RUSF1: variants seen among roughly 807,000 people sequenced by gnomAD.
RUSF1 encodes the protein RUS family member 1, also known as RUS1 family protein C16orf58.
In RUSF1, 58 loss-of-function variants were observed where a neutral mutation model predicts 63.0. The observed-to-expected ratio is 0.92, with a 90% CI of 0.75 to 1.15. RUSF1 has a LOEUF of 1.15. RUSF1 is among the 50% of genes most tolerant of loss of function. RUSF1 has a pLI of 0.00. For synonymous variants in RUSF1, 274 were observed against 255.8 expected, an observed-to-expected ratio of 1.07 and a Z score of -0.68; for missense variants, 652 against 611.0, an observed-to-expected ratio of 1.07 and a Z score of -0.71.
At chr16:31,507,325 C>G (rs933213837) in intron 2 of RUSF1, among the ~76,000 whole-genome samples, 3 of 152,188 alleles carry the variant, frequency 2.0e-5, no homozygotes, top group South Asian at 4.1e-4. Context: ...CATCTGGTAT[C>G]CCAGAGCATA....
chr16:31,499,850 C>A (rs904601886), intron 3 of RUSF1, among the ~76,000 whole-genome samples: 4 of 152,174 alleles, frequency 2.6e-5, no homozygotes, highest in African/African-American at 9.6e-5. Flanking sequence ...TGCCTCTCTC[C>A]GTTCTTCTTC....
intron 2 of RUSF1, among the ~76,000 whole-genome samples, chr16:31,506,603 G>A (rs2082660238): frequency 6.6e-6 from 1 of 152,306 alleles, no homozygotes; most frequent in African/African-American, 2.4e-5. Flanking sequence ...CCAACATGGT[G>A]AAACTCTGTC....
chr16:31,500,739 A>G lies in RUSF1; in HGVS notation c.416-8T>C, dbSNP rs1596629859. On this transcript the variant is annotated splice_region_variant and splice_polypyrimidine_tract_variant and intron_variant, in intron 2 of 12. Coordinates refer to ENST00000327237, the MANE Select transcript of RUSF1 (RefSeq NM_022744.4). ...CCAGCATGCCAGTTGAATCTGGGGG[A>G]AAGAAGGCACAGGTAAGGAGCAAGG... 4 of 1,612,012 alleles carry G rather than the reference A, an allele frequency of 2.5e-6. No homozygotes were observed. The highest frequency in any genetic ancestry group is 2.2e-5 in the East Asian group (1 of 44,868).
chr16:31,495,747 G>A (rs754873513), intron 6 of RUSF1, among the ~76,000 whole-genome samples: 42 of 152,106 alleles, frequency 2.8e-4, no homozygotes, highest in Non-Finnish European at 5.6e-4. Context: ...TTCCCCAGGG[G>A]CCCCCAGGGA....
intron 12 of RUSF1, 137 bp from the exon 13 acceptor site, chr16:31,491,069 A>C: frequency 4.1e-6 from 3 of 736,640 alleles, no homozygotes; most frequent in Non-Finnish European, 6.8e-6. Flanking sequence ...ATGAGGCTGA[A>C]ACCACACCTG....
chr16:31,498,650 G>A (rs1020323342), intron 5 of RUSF1, among the ~76,000 whole-genome samples: 3 of 152,332 alleles, frequency 2.0e-5, no homozygotes, highest in East Asian at 1.9e-4. Flanking sequence ...ACAGCTTGGC[G>A]TGGAGGAAGA....
intron 2 of RUSF1, 92 bp downstream of exon 2, chr16:31,507,672 T>G (rs540029083): frequency 2.5e-6 from 3 of 1,188,310 alleles, no homozygotes; most frequent in East Asian, 5.1e-5. Flanking sequence ...TTCTACCTAA[T>G]GGGGCACGAG....
At position 31,493,882 on chromosome 16, in the gene RUSF1, C is replaced by T. The variant is rs143200950; in HGVS notation, c.757G>A (p.Val253Met). ...CCGGCTTACCCAGGGCAACCTGACA[C>T]CAGAGGGAGCATCAGGAGGCTGACC... ...LLVSLLMLPL[V>M]SGCPGFSLGC... Residue 253 changes from valine to methionine, a missense_variant, in exon 7 of 13, where the codon GTG becomes ATG. Physicochemically the swap from Val to Met is conservative, Grantham distance 21. Coordinates refer to ENST00000327237, the MANE Select transcript of RUSF1 (RefSeq NM_022744.4). The T allele has an allele frequency of 6.2e-7, 1 of 1,614,188 alleles. No individual in the cohort carries two copies. Among genetic ancestry groups the T allele is most frequent in the South Asian group, 1.1e-5 (1 of 91,086 alleles).
chr16:31,490,554 C>T lies in RUSF1; in HGVS notation c.*281G>A. On this transcript the variant is annotated 3_prime_UTR_variant, in exon 13 of 13. Coordinates refer to ENST00000327237, the MANE Select transcript of RUSF1 (RefSeq NM_022744.4). ...TGCCTAAGACCAACTGCGTTGGACA[C>T]CATAAGCCACAGCCTCACAGGAAGT... is the stretch of plus-strand genomic sequence containing the variant. 6.3e-7 allele frequency: 1 copy of T among 1,577,334 alleles called. No homozygotes were observed. Among genetic ancestry groups the T allele is most frequent in the Non-Finnish European group, 8.7e-7 (1 of 1,152,814 alleles).
At position 31,499,327 on chromosome 16, in the gene RUSF1, G is replaced by A. The variant is rs763762291; in HGVS notation, c.575C>T (p.Thr192Ile). ...APVYPICFTM[T>I]VSTSNLAKCI... ...CTTGGCTAGGTTGCTGGTGGAGACG[G>A]TCATGGTGAAACAGATTGGGTATAC... is the stretch of plus-strand genomic sequence containing the variant. Residue 192 changes from threonine (T) to isoleucine (I), a missense_variant, in exon 5 of 13, where the codon ACC (threonine) becomes ATC (isoleucine). By Grantham distance (89) the Thr-to-Ile change is moderately conservative. Transcript: ENST00000327237. 1.9e-6 allele frequency: 3 copies of A among 1,613,900 alleles called. No homozygotes were observed. Among genetic ancestry groups the A allele is most frequent in the Non-Finnish European group, 2.5e-6 (3 of 1,179,832 alleles).
Position 31,497,974 on chromosome 16 carries a change from G to A in RUSF1, c.601-1024C>T, listed in dbSNP as rs565545474. ...GCACGGAGGCTACCTGGGAAGCAAC[G>A]GTGCTCTCTCAGCAGTGAGAGGTGG... On this transcript the variant is annotated intron_variant, in intron 5 of 12. Coordinates refer to ENST00000327237, the MANE Select transcript of RUSF1 (RefSeq NM_022744.4). Among the ~76,000 whole-genome samples the A allele has an allele frequency of 5.9e-5, 9 of 152,318 alleles. No homozygotes were observed. The South Asian group carries it at 6.2e-4, about 11-fold the overall frequency.
chr16:31,498,476 G>A (rs1386740658), intron 5 of RUSF1, among the ~76,000 whole-genome samples: 1 of 152,168 alleles, frequency 6.6e-6, no homozygotes, highest in Non-Finnish European at 1.5e-5. Flanking sequence ...CGGCCCTAAC[G>A]TGATTTTAAG....
chr16:31,496,040 T>G (rs1375776993), intron 6 of RUSF1, among the ~76,000 whole-genome samples: 2 of 152,198 alleles, frequency 1.3e-5, no homozygotes, highest in Admixed American at 1.3e-4. Flanking sequence ...TTTCCTCATC[T>G]GTAAACTAGG....
intron 5 of RUSF1, among the ~76,000 whole-genome samples, chr16:31,498,801 G>T (rs1305667940): frequency 6.6e-6 from 1 of 152,160 alleles, no homozygotes; most frequent in Non-Finnish European, 1.5e-5. Flanking sequence ...CAGGACCCAG[G>T]CTCAGGGGAG....
chr16:31,504,743 AGAG>A (rs936567823), intron 2 of RUSF1, among the ~76,000 whole-genome samples: 3 of 152,244 alleles, frequency 2.0e-5, no homozygotes, highest in African/African-American at 4.8e-5. Context: ...TCTATGTAGA[AGAG>A]GAGGACATAA....
At position 31,508,177 on chromosome 16, in the gene RUSF1, G is replaced by A; in HGVS notation, c.197C>T (p.Pro66Leu). The change falls in exon 1 of 13, where the codon CCC becomes CTC. Residue 66 changes from proline (P) to leucine (L), a missense_variant. Physicochemically the swap from Pro to Leu is moderately conservative, Grantham distance 98 (BLOSUM62 -3). Transcript: ENST00000327237. ...DAGEVGASGA[P>L]SPPLSGLQAV... Reference sequence around the variant, plus strand: ...CTGGAGCCCGGAGAGGGGCGGTGAGGGGGCCCCGGAAGCCCCCACTTCGCC... The same window carrying A: ...CTGGAGCCCGGAGAGGGGCGGTGAGAGGGCCCCGGAAGCCCCCACTTCGCC... 6.4e-7 allele frequency: 1 copy of A among 1,574,666 alleles called. No homozygotes were observed. Among genetic ancestry groups the A allele is most frequent in the Non-Finnish European group, 8.6e-7 (1 of 1,161,128 alleles).
intron 12 of RUSF1, 100 bp downstream of exon 12, chr16:31,491,907 CAA>C (rs1165295368): frequency 3.1e-6 from 4 of 1,301,006 alleles, no homozygotes; most frequent in East Asian, 2.5e-5. Context: ...CCCAAGAACC[CAA>C]GTCTTTTACC....
intron 2 of RUSF1, 75 bp from the exon 3 acceptor site, chr16:31,500,806 G>T: frequency 6.8e-7 from 1 of 1,478,114 alleles, no homozygotes; most frequent in South Asian, 1.3e-5. Flanking sequence ...CCCTGGCACT[G>T]AACTGGCCAA....
rs879233464 is a variant in RUSF1 at position 31,489,582 on chromosome 16, G to A, written c.*1253C>T. 13 of 590,858 alleles carry A rather than the reference G, an allele frequency of 2.2e-5. No individual in the cohort carries two copies. In the South Asian group the frequency reaches 2.6e-4, roughly 12 times the overall value. The allele number at this position is 590,858 out of a possible 1,614,324, so 36.6% of individuals were successfully genotyped here. A position where few individuals can be genotyped will look rare whatever the true frequency, so the allele number is the denominator to read the frequency against. The stretch of plus-strand genomic sequence containing the variant: ...GCCTCCCAAAGCCAATCCTTGGCAT[G>A]GCCTTTGGGACTCAAAACACAGGAT... On this transcript the variant is annotated 3_prime_UTR_variant, in exon 13 of 13. Coordinates refer to ENST00000327237, the MANE Select transcript of RUSF1 (RefSeq NM_022744.4).
Sources: allele counts gnomAD v4.1 joint callset (sites outside exome capture counted in the v4.1 genomes callset), GRCh38; gene constraint gnomAD v4.1.1; transcripts MANE v1.5; gene names NCBI Gene and HGNC (gene_info 2026-07-23, HGNC 2026-07-21).